Variants in ASIC2 observed in about 807,000 individuals in gnomAD.
ASIC2 encodes acid-sensing ion channel 2.
A neutral mutation model predicts 57.3 loss-of-function variants in ASIC2; 25 were observed. That is an observed-to-expected ratio of 0.44 (90% CI 0.32 to 0.61). ASIC2 has a LOEUF of 0.61. Among genes scored for constraint, ASIC2 ranks in the 20% least tolerant of loss-of-function variants. ASIC2 has a pLI of 0.06. For synonymous variants in ASIC2, 319 were observed against 307.5 expected, an observed-to-expected ratio of 1.04 and a Z score of -0.39; for missense variants, 641 against 738.1, an observed-to-expected ratio of 0.87 and a Z score of 1.52.
In ASIC2 at chr17:33,215,970, A is replaced by C. The variant is rs190376672; in HGVS notation, c.708+75438T>G. Among the ~76,000 whole-genome samples, 655 of 152,332 alleles carry C rather than the reference A, an allele frequency of 4.3e-3. 8 individuals are homozygous for C. Among genetic ancestry groups the C allele is most frequent in the African/African-American group, 0.013 (537 of 41,568 alleles). Reference sequence around the variant, plus strand: ...CGCCTCGGCCTCCCAAAGTGCTGGGATTACAGGCGTCAGCCACCAAGCCCG... The same window carrying C: ...CGCCTCGGCCTCCCAAAGTGCTGGGCTTACAGGCGTCAGCCACCAAGCCCG... On this transcript the variant is annotated intron_variant, in intron 1 of 9. Coordinates refer to ENST00000225823, the MANE Select transcript of ASIC2 (RefSeq NM_183377.2).
chr17:33,312,107 T>C (rs550562058), intron 1 of ASIC2, among the ~76,000 whole-genome samples: 2 of 152,214 alleles, frequency 1.3e-5, no homozygotes, highest in Non-Finnish European at 2.9e-5. Context: ...AGCCATGCAA[T>C]CTCTCCTGCT....
At chr17:33,986,223 G>T (rs1172149853) in intron 1 of ASIC2, among the ~76,000 whole-genome samples, 1 of 150,740 alleles carries the variant, frequency 6.6e-6, no homozygotes, top group Non-Finnish European at 1.5e-5. Context: ...TTTCCTTGCA[G>T]TATTATGAGT....
At chr17:33,848,835 G>A (rs1913685025) in intron 1 of ASIC2, among the ~76,000 whole-genome samples, 1 of 152,148 alleles carries the variant, frequency 6.6e-6, no homozygotes. Context: ...GGGAAGGGGA[G>A]GCAGGGATAA....
intron 1 of ASIC2, chr17:33,976,401 C>T (rs1407671647): frequency 6.6e-6 from 1 of 152,032 alleles, no homozygotes. Context: ...CAGGCCTGAC[C>T]CCACATTCCA....
In ASIC2 at chr17:33,996,003, G is replaced by A. The variant is rs527535131; in HGVS notation, c.555+159975C>T. 1.2e-4 allele frequency among the ~76,000 whole-genome samples: 19 copies of A among 152,182 alleles called. No homozygotes were observed. In the East Asian group the frequency reaches 2.7e-3, roughly 22 times the overall value. On this transcript the variant is annotated intron_variant, in intron 1 of 9. Transcript: ENST00000359872. The stretch of plus-strand genomic sequence containing the variant: ...GTTTCCTTTTCTCCATATCTTTGAC[G>A]ATACCTATTGTCTCTCATCTTTTTT...
At position 33,667,793 on chromosome 17, in the gene ASIC2, C is replaced by T. The variant is rs186484288; in HGVS notation, c.555+488185G>A. Among the ~76,000 whole-genome samples the T allele has an allele frequency of 1.1e-4, 16 of 152,272 alleles. No homozygotes were observed. The East Asian group carries it at 1.5e-3, about 15-fold the overall frequency. Reference sequence around the variant, plus strand: ...GGGGCTCACTGGGCAGAAATCTAGTCGTCAGAAGGTCACTGGGATGGTCCC... The same window carrying T: ...GGGGCTCACTGGGCAGAAATCTAGTTGTCAGAAGGTCACTGGGATGGTCCC... On this transcript the variant is annotated intron_variant, in intron 1 of 9. Coordinates refer to the ASIC2 transcript ENST00000359872.
At chr17:33,932,025 A>G (rs1460569487) in intron 1 of ASIC2, among the ~76,000 whole-genome samples, 1 of 152,122 alleles carries the variant, frequency 6.6e-6, no homozygotes, top group African/African-American at 2.4e-5. Flanking sequence ...CTCAATTTAT[A>G]TCCTCTCTGC....
At chr17:33,594,074 C>G (rs1259144500) in intron 1 of ASIC2, among the ~76,000 whole-genome samples, 3 of 152,238 alleles carry the variant, frequency 2.0e-5, no homozygotes, top group Admixed American at 6.5e-5. Context: ...GTCTCAGATG[C>G]AAGTCATCTT....
At chr17:33,087,127 T>G (rs368327090) in intron 3 of ASIC2, among the ~76,000 whole-genome samples, 15 of 152,210 alleles carry the variant, frequency 9.9e-5, no homozygotes, top group African/African-American at 3.6e-4. Context: ...TCACCTAGGC[T>G]AGTAGCTCAG....
intron 2 of ASIC2, among the ~76,000 whole-genome samples, chr17:33,106,905 G>A (rs992833933): frequency 1.3e-5 from 2 of 152,238 alleles, no homozygotes; most frequent in South Asian, 2.1e-4. Context: ...GTGACAGAAT[G>A]AAAAGAATTC....
chr17:33,972,162 A>G (rs1234982370), intron 1 of ASIC2, among the ~76,000 whole-genome samples: 5 of 152,244 alleles, frequency 3.3e-5, no homozygotes, highest in Admixed American at 6.5e-5. Flanking sequence ...AATGTCATCA[A>G]CATTATACAC....
chr17:33,585,589 G>A (rs1776610613), intron 1 of ASIC2, among the ~76,000 whole-genome samples: 1 of 152,132 alleles, frequency 6.6e-6, no homozygotes, highest in African/African-American at 2.4e-5. Context: ...CTGGGCATGT[G>A]GTCACCATGT....
At chr17:34,116,276 CCT>C (rs1911421999) in intron 1 of ASIC2, among the ~76,000 whole-genome samples, 1 of 152,078 alleles carries the variant, frequency 6.6e-6, no homozygotes, top group African/African-American at 2.4e-5. Flanking sequence ...TCTCTCTAGG[CCT>C]CTGTTTTTTA....
chr17:33,564,662 AAGC>A (rs1257122934), intron 1 of ASIC2, among the ~76,000 whole-genome samples: 1 of 152,250 alleles, frequency 6.6e-6, no homozygotes, highest in African/African-American at 2.4e-5. Context: ...TGTTGGGAGC[AAGC>A]CCCCCAAAAT....
intron 1 of ASIC2, among the ~76,000 whole-genome samples, chr17:33,871,536 G>GT (rs1567741010): frequency 6.6e-6 from 1 of 151,900 alleles, no homozygotes; most frequent in East Asian, 1.9e-4. Context: ...GGAAGGAGGG[G>GT]TGTGTGTGAT....
At chr17:33,464,261 T>C (rs539594754) in intron 1 of ASIC2, among the ~76,000 whole-genome samples, 1 of 152,318 alleles carries the variant, frequency 6.6e-6, no homozygotes, top group Admixed American at 6.5e-5. Context: ...CTGGCTGGAT[T>C]CTATGAAGCC....
intron 1 of ASIC2, among the ~76,000 whole-genome samples, chr17:33,243,777 C>G (rs1249641640): frequency 1.3e-5 from 2 of 152,110 alleles, no homozygotes; most frequent in African/African-American, 4.8e-5. Flanking sequence ...AAATTTCAAA[C>G]AAGTACAAGT....
At chr17:33,907,377 A>G (rs559654093) in intron 1 of ASIC2, among the ~76,000 whole-genome samples, 10 of 152,342 alleles carry the variant, frequency 6.6e-5, no homozygotes, top group Admixed American at 2.0e-4. Flanking sequence ...GAAGCATTGG[A>G]GAAGGCAAAT....
At chr17:33,733,419 T>C (rs1909808369) in intron 1 of ASIC2, among the ~76,000 whole-genome samples, 1 of 152,162 alleles carries the variant, frequency 6.6e-6, no homozygotes, top group African/African-American at 2.4e-5. Context: ...GTACTACAAG[T>C]TCCATGTCCT....
Sources: allele counts gnomAD v4.1 joint callset (sites outside exome capture counted in the v4.1 genomes callset), GRCh38; gene constraint gnomAD v4.1.1; transcripts MANE v1.5; gene names NCBI Gene and HGNC (gene_info 2026-07-23, HGNC 2026-07-21).